Variants in FOXN3 observed in about 807,000 individuals in gnomAD.
FOXN3 encodes forkhead box protein N3.
Under a neutral mutation model 38.4 loss-of-function variants are expected in FOXN3, and 7 were observed. That is an observed-to-expected ratio of 0.18 (90% CI 0.10 to 0.34). The LOEUF (loss-of-function observed/expected upper bound fraction) is 0.34. Ranked by LOEUF, FOXN3 falls within the 10% of genes least tolerant of loss-of-function variation. The pLI is 1.00. For synonymous variants in FOXN3, 230 were observed against 242.2 expected (o/e 0.95, Z 0.47); for missense variants, 456 against 613.4 (o/e 0.74, Z 2.71).
chr14:89,570,936 T>C (rs1895476636), intron 1 of FOXN3, among the ~76,000 whole-genome samples: 1 of 152,162 alleles, frequency 6.6e-6, no homozygotes, highest in Non-Finnish European at 1.5e-5. Flanking sequence ...AAAGTAACCA[T>C]TTCTAGACAT....
chr14:89,341,129 AC>A (rs1319141793), intron 3 of FOXN3, among the ~76,000 whole-genome samples: 1 of 152,126 alleles, frequency 6.6e-6, no homozygotes, highest in African/African-American at 2.4e-5. Context: ...TCTTGGGACG[AC>A]CCTGGCAGCT....
At chr14:89,528,376 C>CTATATTTTTTTT in intron 1 of FOXN3, among the ~76,000 whole-genome samples, 1 of 53,550 alleles carries the variant, frequency 1.9e-5, no homozygotes, top group Non-Finnish European at 3.4e-5. Flanking sequence ...ATGGATGAAT[C>CTATATTTTTTTT]TTTTTTTTTT....
rs530933971 is a variant in FOXN3 at position 89,287,975 on chromosome 14, G to A, written c.681-6961C>T. On this transcript the variant is annotated intron_variant, in intron 3 of 5. Transcript: ENST00000557258. ...CTCAGGAGGCTGAGGTGGGTGGATCGCTTGAGCCCAGGAGCTCCAAAGCTG... is the reference window on the plus strand; with the variant it reads ...CTCAGGAGGCTGAGGTGGGTGGATCACTTGAGCCCAGGAGCTCCAAAGCTG... Among the ~76,000 whole-genome samples the A allele has an allele frequency of 2.4e-3, 358 of 151,926 alleles. 2 individuals carry two copies. The highest frequency in any genetic ancestry group is 3.0e-3 in the Non-Finnish European group (201 of 67,966).
intron 4 of FOXN3, among the ~76,000 whole-genome samples, chr14:89,264,214 G>A (rs1345320990): frequency 6.6e-6 from 1 of 152,072 alleles, no homozygotes; most frequent in Non-Finnish European, 1.5e-5. Flanking sequence ...AGACATACCC[G>A]AGACTGGGTA....
At chr14:89,589,543 GGAA>G (rs927934454) in intron 1 of FOXN3, among the ~76,000 whole-genome samples, 29 of 152,164 alleles carry the variant, frequency 1.9e-4, no homozygotes, top group African/African-American at 6.5e-4. Flanking sequence ...CTGCATAAGG[GGAA>G]GAAGAAGAAA....
At chr14:89,605,139 A>T (rs1896243622) in intron 1 of FOXN3, among the ~76,000 whole-genome samples, 1 of 152,184 alleles carries the variant, frequency 6.6e-6, no homozygotes, top group Admixed American at 6.5e-5. Flanking sequence ...TTCTGGTTTA[A>T]AATGATAATA....
In FOXN3 at chr14:89,350,971, GC is replaced by G. The variant is rs1888944268; in HGVS notation, c.544-164del. On this transcript the variant is annotated intron_variant, in intron 2 of 5. Transcript: ENST00000557258. ...TACTGACAGTAGAACTCCATAAAAT[GC>G]ACTTCAATCTTACTTGTATTATGTT... 5.0e-5 allele frequency: 22 copies of G among 441,264 alleles called. No homozygotes were observed. In the South Asian group the frequency reaches 8.2e-4, roughly 17 times the overall value. The allele number at this position is 441,264 out of a possible 1,614,324, so 27.3% of individuals were successfully genotyped here.
At chr14:89,531,895 C>T (rs1438017159) in intron 1 of FOXN3, among the ~76,000 whole-genome samples, 1 of 152,188 alleles carries the variant, frequency 6.6e-6, no homozygotes, top group Admixed American at 6.5e-5. Context: ...CCGCAACCTC[C>T]ACCTTCCAGG....
chr14:89,193,006 G>C (rs1439754910), intron 4 of FOXN3, among the ~76,000 whole-genome samples: 2 of 151,918 alleles, frequency 1.3e-5, no homozygotes, highest in African/African-American at 4.8e-5. Context: ...GTTCCTAAGG[G>C]GGGCTGTTAA....
intron 3 of FOXN3, among the ~76,000 whole-genome samples, chr14:89,330,514 C>T (rs898119857): frequency 5.9e-5 from 9 of 152,126 alleles, no homozygotes; most frequent in South Asian, 2.1e-4. Flanking sequence ...GAGCATGTCG[C>T]TTGAATTGCC....
chr14:89,494,275 CTG>C (rs1363356478), intron 1 of FOXN3: 5 of 152,226 alleles, frequency 3.3e-5, no homozygotes, highest in Non-Finnish European at 7.3e-5. Context: ...GAGTGCCACG[CTG>C]TGTTAATTCC....
At chr14:89,473,412 G>A (rs1181465954) in intron 1 of FOXN3, among the ~76,000 whole-genome samples, 8 of 150,164 alleles carry the variant, frequency 5.3e-5, no homozygotes, top group Non-Finnish European at 1.2e-4. Flanking sequence ...TGCTCAAGCT[G>A]GAGTGCAGTG....
At chr14:89,514,263 T>C (rs980972303) in intron 1 of FOXN3, among the ~76,000 whole-genome samples, 1 of 152,164 alleles carries the variant, frequency 6.6e-6, no homozygotes, top group Admixed American at 6.5e-5. Flanking sequence ...ACAATCTTCT[T>C]GCCCCAGTCA....
rs74812303 is a variant in FOXN3 at position 89,307,268 on chromosome 14, C to T, written c.681-26254G>A. Reference sequence around the variant, plus strand: ...TTTCACTAACCCAATCCTCTCTCCACCTCCACACACAAATTCAAAATGTTT... The same window carrying T: ...TTTCACTAACCCAATCCTCTCTCCATCTCCACACACAAATTCAAAATGTTT... On this transcript the variant is annotated intron_variant, in intron 3 of 5. Coordinates refer to ENST00000557258, the MANE Select transcript of FOXN3 (RefSeq NM_005197.4). Among the ~76,000 whole-genome samples, 756 of 152,294 alleles carry T rather than the reference C, an allele frequency of 5.0e-3. 4 individuals are homozygous for T. Among genetic ancestry groups the T allele is most frequent in the African/African-American group, 0.017 (710 of 41,564 alleles).
At chr14:89,536,995 A>C (rs898102074) in intron 1 of FOXN3, among the ~76,000 whole-genome samples, 79 of 152,148 alleles carry the variant, frequency 5.2e-4, no homozygotes, top group African/African-American at 1.9e-3. Flanking sequence ...ACTCAACCCC[A>C]TGTCAGTTTT....
chr14:89,221,452 A>T (rs1240992092), intron 4 of FOXN3, among the ~76,000 whole-genome samples: 1 of 152,258 alleles, frequency 6.6e-6, no homozygotes, highest in Admixed American at 6.5e-5. Flanking sequence ...CATATTATAT[A>T]TAACCTTTAC....
At chr14:89,609,652 C>T (rs1896351423) in intron 1 of FOXN3, among the ~76,000 whole-genome samples, 1 of 151,954 alleles carries the variant, frequency 6.6e-6, no homozygotes, top group Admixed American at 6.6e-5. Flanking sequence ...AGTAACTCGC[C>T]TAAAGTCACA....
chr14:89,385,318 A>T (rs547491730), intron 2 of FOXN3, among the ~76,000 whole-genome samples: 21 of 152,150 alleles, frequency 1.4e-4, no homozygotes, highest in Non-Finnish European at 2.6e-4. Flanking sequence ...GGGAGGTCTA[A>T]AATCTATAAC....
At chr14:89,402,006 T>A (rs910147885) in intron 2 of FOXN3, among the ~76,000 whole-genome samples, 1 of 152,028 alleles carries the variant, frequency 6.6e-6, no homozygotes, top group Non-Finnish European at 1.5e-5. Context: ...CACACACACA[T>A]ACACAAATCA....
Sources: gnomAD v4.1 joint callset for allele counts (sites outside exome capture counted in the v4.1 genomes callset) on GRCh38, gnomAD v4.1.1 for gene constraint, MANE v1.5 for transcripts, NCBI Gene and HGNC (gene_info 2026-07-23, HGNC 2026-07-21) for gene names.